The following FAT3 variants were observed in gnomAD, a reference collection of about 807,000 sequenced individuals.
FAT3 encodes the protein protocadherin Fat 3.
FAT3 carries 95 observed loss-of-function variants against 310.2 expected under a neutral mutation model. The ratio of observed to expected loss-of-function variants is 0.31; its 90% CI spans 0.26 to 0.36. FAT3 has a LOEUF of 0.36. Among genes scored for constraint, FAT3 ranks in the 10% least tolerant of loss-of-function variants. The pLI, the probability that FAT3 is intolerant of heterozygous loss-of-function variation, is 1.00. For synonymous variants in FAT3, 2,314 were observed against 2,192.9 expected, an observed-to-expected ratio of 1.06 and a Z score of -1.54; for missense variants, 5,408 against 5,715.6, an observed-to-expected ratio of 0.95 and a Z score of 1.74.
intron 4 of FAT3, among the ~76,000 whole-genome samples, chr11:92,754,041 T>C (rs186767587): frequency 2.0e-5 from 3 of 151,948 alleles, no homozygotes; most frequent in Admixed American, 1.3e-4. Context: ...TGTATACTGC[T>C]CAGGTGAGGG....
intron 2 of FAT3, among the ~76,000 whole-genome samples, chr11:92,519,807 C>T (rs1953622914): frequency 6.6e-6 from 1 of 152,074 alleles, no homozygotes; most frequent in Non-Finnish European, 1.5e-5. Flanking sequence ...CAAATGAAAA[C>T]TTCAATGAGA....
intron 7 of FAT3, among the ~76,000 whole-genome samples, chr11:92,781,782 C>T (rs866669586): frequency 1.3e-5 from 2 of 151,844 alleles, no homozygotes; most frequent in South Asian, 2.1e-4. Context: ...TACGCTATTA[C>T]AAGAAGATTC....
At chr11:92,821,663 A>G (rs575168563) in intron 13 of FAT3, among the ~76,000 whole-genome samples, 2 of 152,340 alleles carry the variant, frequency 1.3e-5, no homozygotes, top group South Asian at 2.1e-4. Flanking sequence ...GAAAGCTCCA[A>G]AAACACGCAT....
At chr11:92,620,010 T>A (rs950272321) in intron 3 of FAT3, among the ~76,000 whole-genome samples, 1 of 152,174 alleles carries the variant, frequency 6.6e-6, no homozygotes, top group Non-Finnish European at 1.5e-5. Context: ...ATTGCTTTAC[T>A]GCATCTCATA....
intron 3 of FAT3, among the ~76,000 whole-genome samples, chr11:92,671,079 C>T (rs1230100989): frequency 6.6e-6 from 1 of 151,922 alleles, no homozygotes; most frequent in African/African-American, 2.4e-5. Context: ...GAGTCTCGCT[C>T]TGTCATCCAG....
At position 92,762,149 on chromosome 11, in the gene FAT3, A is replaced by G. The variant is rs1368487832; in HGVS notation, c.3963A>G (p.Ala1321=). The G allele has an allele frequency of 1.9e-6, 3 of 1,612,562 alleles. No homozygotes were observed. Among genetic ancestry groups the G allele is most frequent in the Non-Finnish European group, 2.5e-6 (3 of 1,178,920 alleles). The change falls in exon 5 of 28, where the codon GCA becomes GCG. Residue 1321 remains alanine, a synonymous_variant. Transcript: ENST00000525166. The part of the protein sequence containing the change: ...GMVSSRKQFT[A]GSYDILTIKA... ...TTTCTTCTAGAAAGCAGTTTACAGC[A>G]GGCAGTTATGACATCCTAACGGTAA... is the stretch of plus-strand genomic sequence containing the variant.
At chr11:92,380,156 G>A (rs151210328) in intron 2 of FAT3, among the ~76,000 whole-genome samples, 2,134 of 151,956 alleles carry the variant, frequency 0.014, 31 homozygotes, top group South Asian at 0.035. Flanking sequence ...GGGATTTTGT[G>A]TGAGGAAGGT....
intron 17 of FAT3, 135 bp downstream of exon 17, chr11:92,837,941 G>T: frequency 9.2e-7 from 1 of 1,087,852 alleles, no homozygotes; most frequent in Non-Finnish European, 1.3e-6. Flanking sequence ...GTATGAAAAA[G>T]AACCTAGTTC....
chr11:92,475,721 A>T (rs1454004354), intron 2 of FAT3, among the ~76,000 whole-genome samples: 2 of 152,242 alleles, frequency 1.3e-5, no homozygotes, highest in Non-Finnish European at 2.9e-5. Context: ...ATTTGAGAAT[A>T]TTCCAAATTT....
intron 21 of FAT3, among the ~76,000 whole-genome samples, chr11:92,859,759 C>T (rs746049593): frequency 6.6e-6 from 1 of 152,182 alleles, no homozygotes; most frequent in Non-Finnish European, 1.5e-5. Flanking sequence ...TAGGAGATTT[C>T]GTATGTCCTA....
intron 13 of FAT3, among the ~76,000 whole-genome samples, chr11:92,816,975 C>CA (rs971041414): frequency 1.0e-4 from 15 of 150,702 alleles, no homozygotes; most frequent in East Asian, 3.9e-4. Flanking sequence ...GACTCCATCT[C>CA]AAAAAAAATC....
At chr11:92,496,592 A>G (rs907005737) in intron 2 of FAT3, among the ~76,000 whole-genome samples, 2 of 151,774 alleles carry the variant, frequency 1.3e-5, no homozygotes, top group Non-Finnish European at 2.9e-5. Context: ...GGGTTGCTCT[A>G]TGTGCTGCTA....
intron 1 of FAT3, among the ~76,000 whole-genome samples, chr11:92,310,394 T>G (rs1053024643): frequency 6.6e-6 from 1 of 152,208 alleles, no homozygotes; most frequent in African/African-American, 2.4e-5. Context: ...TGCTTCTTGT[T>G]TTCTGTATAC....
intron 4 of FAT3, among the ~76,000 whole-genome samples, chr11:92,755,099 G>C (rs1365451154): frequency 6.6e-6 from 1 of 152,134 alleles, no homozygotes; most frequent in Non-Finnish European, 1.5e-5. Context: ...TTGATCAAAG[G>C]ATACGAAATT....
Position 92,792,803 on chromosome 11 carries a change from G to T in FAT3, c.4648G>T (p.Ala1550Ser). 1 of 1,613,788 alleles carries T rather than the reference G, an allele frequency of 6.2e-7. No individual in the cohort carries two copies. Among genetic ancestry groups the T allele is most frequent in the Non-Finnish European group, 8.5e-7 (1 of 1,179,748 alleles). ...DQEFPYRRNL[A>S]RVIVNVEDAN... ...GGAGTTTCCTTATCGAAGAAACTTG[G>T]CCCGAGTCATTGTGAATGTGGAGGA... The change falls in exon 9 of 28, where the codon GCC becomes TCC. Residue 1550 changes from alanine to serine, a missense_variant. Ala to Ser is a moderately conservative substitution (Grantham distance 99). Coordinates refer to ENST00000525166, the MANE Select transcript of FAT3 (RefSeq NM_001367949.2).
At chr11:92,493,387 C>T (rs1380780779) in intron 2 of FAT3, among the ~76,000 whole-genome samples, 1 of 152,070 alleles carries the variant, frequency 6.6e-6, no homozygotes, top group Non-Finnish European at 1.5e-5. Context: ...GCCTTAAGTA[C>T]TTAGAGTTCC....
At chr11:92,471,939 A>ATG (rs2135152916) in intron 2 of FAT3, among the ~76,000 whole-genome samples, 1 of 130,706 alleles carries the variant, frequency 7.7e-6, no homozygotes, top group South Asian at 2.2e-4. Context: ...ATATATATAT[A>ATG]TATATATATA....
chr11:92,334,368 C>T (rs1947999677), intron 1 of FAT3, among the ~76,000 whole-genome samples: 1 of 152,060 alleles, frequency 6.6e-6, no homozygotes, highest in Admixed American at 6.5e-5. Context: ...GACTGAGACC[C>T]TGTCTCAATA....
At chr11:92,735,183 A>G (rs559735291) in intron 4 of FAT3, among the ~76,000 whole-genome samples, 252 of 152,274 alleles carry the variant, frequency 1.7e-3, no homozygotes, top group Non-Finnish European at 2.9e-3. Flanking sequence ...TCCAGCACCA[A>G]TGCTCTTCTT....
Sources: allele counts gnomAD v4.1 joint callset (sites outside exome capture counted in the v4.1 genomes callset), GRCh38; gene constraint gnomAD v4.1.1; transcripts MANE v1.5; gene names NCBI Gene and HGNC (gene_info 2026-07-23, HGNC 2026-07-21).